NUDT19: variants seen among roughly 807,000 people sequenced by gnomAD.
NUDT19 encodes the protein nudix hydrolase 19, also known as acyl-coenzyme A diphosphatase NUDT19.
In NUDT19, 31 loss-of-function variants were observed where a neutral mutation model predicts 22.2. That is an observed-to-expected ratio of 1.40 (90% CI 1.05 to 1.89). The LOEUF is 1.89. Ranked by LOEUF, NUDT19 falls within the 40% of genes most tolerant of loss-of-function variation. The probability of loss-of-function intolerance (pLI) is 0.00; values close to 1 mark genes in which losing one functional copy is unlikely to be tolerated. For missense variants in NUDT19, 752 were observed against 514.2 expected, an observed-to-expected ratio of 1.46 and a Z score of -4.47; for synonymous variants, 325 against 230.8, an observed-to-expected ratio of 1.41 and a Z score of -3.70.
At chr19:32,708,344 G>C (rs1283208026) in intron 1 of NUDT19, among the ~76,000 whole-genome samples, 1 of 147,748 alleles carries the variant, frequency 6.8e-6, no homozygotes, top group Non-Finnish European at 1.5e-5. Context: ...GGAGAATGGC[G>C]TGAACCCAGG....
intron 1 of NUDT19, among the ~76,000 whole-genome samples, chr19:32,700,607 T>C (rs1321724361): frequency 6.6e-6 from 1 of 152,152 alleles, no homozygotes; most frequent in Non-Finnish European, 1.5e-5. Context: ...TTGTTTTATT[T>C]TTTGTAGAGA....
At chr19:32,710,001 G>A (rs1483618036) in intron 2 of NUDT19, among the ~76,000 whole-genome samples, 1 of 151,322 alleles carries the variant, frequency 6.6e-6, no homozygotes, top group Non-Finnish European at 1.5e-5. Flanking sequence ...GAACTCGTAA[G>A]TTGTCATCTA....
At chr19:32,695,551 T>G (rs1372668917) in intron 1 of NUDT19, among the ~76,000 whole-genome samples, 1 of 152,212 alleles carries the variant, frequency 6.6e-6, no homozygotes, top group Non-Finnish European at 1.5e-5. Context: ...TCTGACTCCT[T>G]TGTCTCTTCC....
chr19:32,710,195 G>T (rs1968430972), intron 2 of NUDT19, among the ~76,000 whole-genome samples: 2 of 150,900 alleles, frequency 1.3e-5, no homozygotes, highest in African/African-American at 4.9e-5. Flanking sequence ...TGTATTATTA[G>T]TAGAGACAGG....
At chr19:32,699,491 C>T (rs551681602) in intron 1 of NUDT19, among the ~76,000 whole-genome samples, 1 of 152,326 alleles carries the variant, frequency 6.6e-6, no homozygotes, top group Non-Finnish European at 1.5e-5. Context: ...AAGCTGGTTC[C>T]AGGCAAACCA....
chr19:32,701,039 CAAAA>C (rs775427205), intron 1 of NUDT19, among the ~76,000 whole-genome samples: 1 of 131,224 alleles, frequency 7.6e-6, no homozygotes, highest in Non-Finnish European at 1.7e-5. Flanking sequence ...GGCCCTTTCT[CAAAA>C]AAAAAAAAAA....
chr19:32,697,534 C>T (rs1968278763), intron 1 of NUDT19, among the ~76,000 whole-genome samples: 2 of 152,148 alleles, frequency 1.3e-5, no homozygotes, highest in Admixed American at 1.3e-4. Context: ...GAACACAAGT[C>T]AGCAGATGTT....
intron 1 of NUDT19, among the ~76,000 whole-genome samples, chr19:32,693,167 G>T (rs553783761): frequency 1.3e-5 from 2 of 152,188 alleles, no homozygotes; most frequent in East Asian, 3.8e-4. Context: ...GAATAAAGCC[G>T]CGGACCCTCG....
Position 32,692,190 on chromosome 19 carries a change from T to A in NUDT19, c.230T>A (p.Leu77Gln). Residue 77 changes from leucine (L) to glutamine (Q), a missense_variant, in exon 1 of 3, where the codon CTG (leucine) becomes CAG (glutamine). Physicochemically the swap from Leu to Gln is moderately radical, Grantham distance 113 (BLOSUM62 -2). Transcript: ENST00000397061. ...GCGGCCGACCGCTCGGCGGACTGGC[T>A]GGGCCTCTTCGCGCCGCACCACGGG... ...LDAADRSADW[L>Q]GLFAPHHGPP... 6.4e-7 allele frequency: 1 copy of A among 1,568,418 alleles called. No individual in the cohort carries two copies. The highest frequency in any genetic ancestry group is 8.6e-7 in the Non-Finnish European group (1 of 1,167,384).
intron 1 of NUDT19, among the ~76,000 whole-genome samples, chr19:32,698,561 G>A (rs1487186281): frequency 2.0e-5 from 3 of 152,220 alleles, no homozygotes; most frequent in African/African-American, 4.8e-5. Context: ...GGACCCTGCT[G>A]ATTGGAGTAG....
chr19:32,709,521 G>C (rs1366296428), intron 2 of NUDT19, 129 bp downstream of exon 2: 1 of 711,094 alleles, frequency 1.4e-6, no homozygotes, highest in East Asian at 2.6e-5. Context: ...TATTAGCTAA[G>C]TAAGATCAAA....
At chr19:32,705,649 G>A (rs1968380337) in intron 1 of NUDT19, among the ~76,000 whole-genome samples, 1 of 151,064 alleles carries the variant, frequency 6.6e-6, no homozygotes, top group Non-Finnish European at 1.5e-5. Context: ...CAGTGGCGTG[G>A]TCTTGGCTCA....
Position 32,709,355 on chromosome 19 carries a change from C to T in NUDT19, c.885C>T (p.Ile295=). ...GACTGGAAAGGTGGCTGCCGATCATCTTGTTAACTGCTGATGGGATGGTCC... is the reference window on the plus strand; with the variant it reads ...GACTGGAAAGGTGGCTGCCGATCATTTTGTTAACTGCTGATGGGATGGTCC... ...LEGLERWLPI[I]LLTADGMVHL... is the part of the protein sequence containing the mutation. Residue 295 remains isoleucine (I), a synonymous_variant, in exon 2 of 3, where the codon ATC becomes ATT. Transcript: ENST00000397061. 1 of 1,614,188 alleles carries T rather than the reference C, an allele frequency of 6.2e-7. No individual in the cohort carries two copies. The highest frequency in any genetic ancestry group is 8.5e-7 in the Non-Finnish European group (1 of 1,180,018).
intron 1 of NUDT19, among the ~76,000 whole-genome samples, chr19:32,698,067 A>C (rs1408594912): frequency 2.0e-5 from 3 of 152,186 alleles, no homozygotes; most frequent in Non-Finnish European, 4.4e-5. Context: ...GGAGGCTAGG[A>C]TATGGAGGTA....
chr19:32,699,767 TG>T (rs1305670297), intron 1 of NUDT19, among the ~76,000 whole-genome samples: 2 of 152,242 alleles, frequency 1.3e-5, no homozygotes, highest in East Asian at 3.9e-4. Context: ...TTGGTTTCGC[TG>T]ACTTCAAGAA....
intron 1 of NUDT19, among the ~76,000 whole-genome samples, chr19:32,694,576 A>G (rs182693203): frequency 6.6e-6 from 1 of 152,318 alleles, no homozygotes; most frequent in East Asian, 1.9e-4. Context: ...TATCAGTTGT[A>G]TGGCCCTGTG....
Position 32,712,943 on chromosome 19 carries a change from A to G in NUDT19, c.*986A>G, listed in dbSNP as rs1171472532. 1.3e-5 allele frequency: 2 copies of G among 152,166 alleles called. No individual in the cohort carries two copies. The highest frequency in any genetic ancestry group is 4.8e-5 in the African/African-American group (2 of 41,446). 9.4% of individuals were successfully genotyped at this position (152,166 alleles called of 1,614,324 possible). A position where few individuals can be genotyped will look rare whatever the true frequency, so the allele number is the denominator to read the frequency against. ...CCCTGATGTGCTTTGGAGGTTGATC[A>G]ATGAATTTCTGAGACTTTCTGCTGG... On this transcript the variant is annotated 3_prime_UTR_variant, in exon 3 of 3. Transcript: ENST00000397061.
intron 2 of NUDT19, 116 bp downstream of exon 2, chr19:32,709,508 G>C: frequency 1.3e-6 from 1 of 789,780 alleles, no homozygotes. Flanking sequence ...GTAATCTACA[G>C]GGTATTAGCT....
At chr19:32,703,500 C>T (rs1599800348) in intron 1 of NUDT19, among the ~76,000 whole-genome samples, 1 of 151,718 alleles carries the variant, frequency 6.6e-6, no homozygotes, top group South Asian at 2.1e-4. Context: ...AGGCATGCAC[C>T]CACCATGGCC....
Sources: gnomAD v4.1 joint callset for allele counts (sites outside exome capture counted in the v4.1 genomes callset) on GRCh38, gnomAD v4.1.1 for gene constraint, MANE v1.5 for transcripts, NCBI Gene and HGNC (gene_info 2026-07-23, HGNC 2026-07-21) for gene names.